FDX1: variants seen among roughly 807,000 people sequenced by gnomAD.
The protein encoded by FDX1 is adrenodoxin, mitochondrial.
FDX1 carries 9 observed loss-of-function variants against 14.9 expected under a neutral mutation model. The ratio of observed to expected loss-of-function variants is 0.60; its 90% CI spans 0.36 to 1.05. FDX1 has a LOEUF of 1.05. FDX1 is among the 50% of genes least tolerant of loss of function. The probability of loss-of-function intolerance (pLI) is 0.01; values close to 1 mark genes in which losing one functional copy is unlikely to be tolerated. For missense variants in FDX1, 204 were observed against 237.2 expected (o/e 0.86, Z 0.92); for synonymous variants, 92 against 99.4 (o/e 0.93, Z 0.44).
At chr11:110,462,294 C>A in intron 3 of FDX1, 60 bp from the exon 4 acceptor site, 1 of 892,160 alleles carries the variant, frequency 1.1e-6, no homozygotes, top group Non-Finnish European at 1.8e-6. Context: ...TAAACAACTG[C>A]ATTGCCTTGT....
intron 2 of FDX1, among the ~76,000 whole-genome samples, chr11:110,447,686 A>G (rs1946460640): frequency 6.6e-6 from 1 of 152,126 alleles, no homozygotes; most frequent in South Asian, 2.1e-4. Flanking sequence ...TCCCTGAGAC[A>G]CATCCCTCTC....
Position 110,430,292 on chromosome 11 carries a change from C to G in FDX1, c.172C>G (p.Arg58Gly). ...GAGCCGGTCGCTGAGCGTGTCGGCG[C>G]GGGCCCGGAGCAGGTAGGGCGCCGT... ...EASRSLSVSA[R>G]ARSSSEDKIT... is the part of the protein sequence containing the mutation. The change falls in exon 1 of 4, where the codon CGG (arginine) becomes GGG (glycine). Residue 58 changes from arginine to glycine, a missense_variant. Transcript: ENST00000260270. 1.7e-6 allele frequency: 2 copies of G among 1,198,550 alleles called. No homozygotes were observed. The allele number at this position is 1,198,550 out of a possible 1,614,324, so 74.2% of individuals were successfully genotyped here.
chr11:110,444,795 C>T (rs1301864967), intron 2 of FDX1, among the ~76,000 whole-genome samples: 4 of 145,176 alleles, frequency 2.8e-5, no homozygotes, highest in Non-Finnish European at 4.5e-5. Context: ...AGCTGCCTCA[C>T]TCTGGGCACA....
Position 110,462,814 on chromosome 11 carries a change from G to C in FDX1, c.*346G>C, listed in dbSNP as rs1252021776. The C allele has an allele frequency of 5.6e-6, 1 of 180,122 alleles. No homozygotes were observed. The highest frequency in any genetic ancestry group is 2.4e-5 in the African/African-American group (1 of 42,114). The allele number at this position is 180,122 out of a possible 1,614,324, so 11.2% of individuals were successfully genotyped here. On this transcript the variant is annotated 3_prime_UTR_variant, in exon 4 of 4. Transcript: ENST00000260270. ...GTTAAGGAAATATATTATTATTCCT[G>C]TTTGATGTGGGTGAAGGCAGAGATC... is the stretch of plus-strand genomic sequence containing the variant.
At chr11:110,437,636 G>A (rs538602015) in intron 2 of FDX1, among the ~76,000 whole-genome samples, 2 of 152,274 alleles carry the variant, frequency 1.3e-5, no homozygotes, top group African/African-American at 4.8e-5. Context: ...GTCTGTTCAT[G>A]TCTTTTTATT....
intron 2 of FDX1, among the ~76,000 whole-genome samples, chr11:110,444,695 TATATATATAC>T (rs1946432950): frequency 1.2e-5 from 1 of 80,804 alleles, no homozygotes; most frequent in African/African-American, 6.1e-5. Flanking sequence ...CACGTATATA[TATATATATAC>T]GTATATATAT....
intron 2 of FDX1, among the ~76,000 whole-genome samples, chr11:110,437,217 C>T (rs1399302476): frequency 6.6e-6 from 1 of 152,188 alleles, no homozygotes; most frequent in East Asian, 1.9e-4. Flanking sequence ...TGGTCTTGAA[C>T]TCCTGGGCTC....
chr11:110,429,730 A>G (rs748056555), upstream of FDX1, among the ~76,000 whole-genome samples: 31 of 152,268 alleles, frequency 2.0e-4, no homozygotes, highest in Non-Finnish European at 4.3e-4. Context: ...TGGTCTAGCT[A>G]ACCGATTTCC....
chr11:110,463,473 A>G lies in FDX1; in HGVS notation c.*1005A>G, dbSNP rs1421817654. On this transcript the variant is annotated 3_prime_UTR_variant, in exon 4 of 4. Transcript: ENST00000260270. ...ATTCGTACTCTTATCTTTACTATAA[A>G]TAAATTCATAAAAGTTAACAAAGGG... 1 of 152,252 alleles carries G rather than the reference A, an allele frequency of 6.6e-6. No homozygotes were observed. The highest frequency in any genetic ancestry group is 1.5e-5 in the Non-Finnish European group (1 of 68,040). 9.4% of individuals were successfully genotyped at this position (152,252 alleles called of 1,614,324 possible).
chr11:110,459,975 A>C (rs910105515), intron 3 of FDX1, among the ~76,000 whole-genome samples: 4 of 152,176 alleles, frequency 2.6e-5, no homozygotes, highest in African/African-American at 9.7e-5. Flanking sequence ...TTTCACTGAT[A>C]ACTGTTTCCA....
At chr11:110,457,251 TA>T (rs1334721263) in intron 3 of FDX1, among the ~76,000 whole-genome samples, 2 of 152,028 alleles carry the variant, frequency 1.3e-5, no homozygotes, top group African/African-American at 2.4e-5. Context: ...TTTACAAAAG[TA>T]AAAAAAATTA....
Position 110,429,964 on chromosome 11 carries a change from C to A in FDX1, c.-157C>A. 1 of 411,696 alleles carries A rather than the reference C, an allele frequency of 2.4e-6. No individual in the cohort carries two copies. The highest frequency in any genetic ancestry group is 4.0e-6 in the Non-Finnish European group (1 of 251,580). 25.5% of individuals were successfully genotyped at this position (411,696 alleles called of 1,614,324 possible). On this transcript the variant is annotated 5_prime_UTR_variant, in exon 1 of 4. Coordinates refer to ENST00000260270, the MANE Select transcript of FDX1 (RefSeq NM_004109.5). ...CCGGAAGGCACGCGGAACCTCGGCG[C>A]GGTGCTTCCAGCAGGGTCTCTCCGC...
At position 110,457,030 on chromosome 11, in the gene FDX1, A is replaced by G. The variant is rs373459558; in HGVS notation, c.423A>G (p.Ala141=). ...AGGAGAATGACATGCTCGATCTGGC[A>G]TATGGACTAACAGACAGGTAAGATT... is the stretch of plus-strand genomic sequence containing the variant. ...TDEENDMLDL[A]YGLTDRSRLG... is the part of the protein sequence containing the mutation. Residue 141 remains alanine, a synonymous_variant, in exon 3 of 4, where the codon GCA becomes GCG. Transcript: ENST00000260270. 2 of 1,612,600 alleles carry G rather than the reference A, an allele frequency of 1.2e-6. No homozygotes were observed. The highest frequency in any genetic ancestry group is 3.3e-4 in the Middle Eastern group (2 of 6,054).
At chr11:110,447,296 A>AC (rs1946457479) in intron 2 of FDX1, among the ~76,000 whole-genome samples, 1 of 134,106 alleles carries the variant, frequency 7.5e-6, no homozygotes, top group African/African-American at 2.7e-5. Flanking sequence ...AAAAAAAAAA[A>AC]AAAAAAACCC....
chr11:110,438,830 A>C (rs1388254359), intron 2 of FDX1, among the ~76,000 whole-genome samples: 1 of 151,828 alleles, frequency 6.6e-6, no homozygotes, highest in Non-Finnish European at 1.5e-5. Flanking sequence ...TTCCCTATTG[A>C]TTCTGGATAT....
intron 3 of FDX1, among the ~76,000 whole-genome samples, chr11:110,458,200 T>C (rs578176402): frequency 1.3e-5 from 2 of 152,340 alleles, no homozygotes; most frequent in South Asian, 4.1e-4. Flanking sequence ...GATAATATTC[T>C]AATTGAAAAG....
At position 110,430,074 on chromosome 11, in the gene FDX1, C is replaced by G. The variant is rs944700057; in HGVS notation, c.-47C>G. 28 of 1,201,194 alleles carry G rather than the reference C, an allele frequency of 2.3e-5. No homozygotes were observed. The East Asian group carries it at 9.2e-4, about 40-fold the overall frequency. 74.4% of individuals were successfully genotyped at this position (1,201,194 alleles called of 1,614,324 possible). On this transcript the variant is annotated 5_prime_UTR_variant, in exon 1 of 4. Coordinates refer to ENST00000260270, the MANE Select transcript of FDX1 (RefSeq NM_004109.5). ...CCGCCTCTTTGGAGTCTCTCGCGGC[C>G]TCAAAGCGCGGCCTGCGTCGCTTCC... is the stretch of plus-strand genomic sequence containing the variant.
intron 2 of FDX1, among the ~76,000 whole-genome samples, chr11:110,448,039 C>T (rs1189729211): frequency 2.0e-5 from 3 of 152,130 alleles, no homozygotes; most frequent in Admixed American, 2.0e-4. Flanking sequence ...TTCTCATTGC[C>T]AACTTTTATA....
intron 2 of FDX1, among the ~76,000 whole-genome samples, chr11:110,447,370 C>T (rs1946458211): frequency 6.6e-6 from 1 of 151,236 alleles, no homozygotes; most frequent in Non-Finnish European, 1.5e-5. Context: ...AGGAGAATTC[C>T]TCGAACCAGG....
Sources: allele counts gnomAD v4.1 joint callset (sites outside exome capture counted in the v4.1 genomes callset), GRCh38; gene constraint gnomAD v4.1.1; transcripts MANE v1.5; gene names NCBI Gene and HGNC (gene_info 2026-07-23, HGNC 2026-07-21).